The following CNTNAP5 variants were observed in gnomAD, a reference collection of about 807,000 sequenced individuals.
CNTNAP5 encodes contactin associated protein family member 5.
A neutral mutation model predicts 150.2 loss-of-function variants in CNTNAP5; 72 were observed. The observed-to-expected ratio is 0.48, with a 90% CI of 0.40 to 0.58. The LOEUF is 0.58. Ranked by LOEUF, CNTNAP5 falls within the 20% of genes least tolerant of loss-of-function variation. The pLI is 0.00. For missense variants in CNTNAP5, 1,636 were observed against 1,626.2 expected (o/e 1.01, Z -0.10); for synonymous variants, 672 against 619.8 (o/e 1.08, Z -1.25).
At chr2:124,362,580 A>C (rs1266910784) in intron 3 of CNTNAP5, among the ~76,000 whole-genome samples, 1 of 152,180 alleles carries the variant, frequency 6.6e-6, no homozygotes, top group Non-Finnish European at 1.5e-5. Flanking sequence ...TCTATCATGG[A>C]TGTCAGTACA....
At chr2:124,605,956 C>T (rs981316861) in intron 11 of CNTNAP5, among the ~76,000 whole-genome samples, 2 of 151,576 alleles carry the variant, frequency 1.3e-5, no homozygotes, top group Admixed American at 1.3e-4. Flanking sequence ...TCACTTTCAT[C>T]TTTGTCCCCT....
intron 13 of CNTNAP5, among the ~76,000 whole-genome samples, chr2:124,742,877 TA>T (rs1488195340): frequency 6.6e-6 from 1 of 152,148 alleles, no homozygotes; most frequent in Non-Finnish European, 1.5e-5. Context: ...CTTGTTTTCT[TA>T]ATCTTGGCTG....
chr2:124,067,141 A>T (rs1238374662), intron 1 of CNTNAP5, among the ~76,000 whole-genome samples: 2 of 152,320 alleles, frequency 1.3e-5, no homozygotes, highest in East Asian at 3.9e-4. Flanking sequence ...ACAAACAAAA[A>T]GATACTTGGG....
chr2:124,789,226 G>A (rs1050297255), intron 17 of CNTNAP5, among the ~76,000 whole-genome samples: 1 of 152,190 alleles, frequency 6.6e-6, no homozygotes, highest in Non-Finnish European at 1.5e-5. Context: ...CACTTCAGAT[G>A]AAAGTGTGCT....
chr2:124,473,053 C>A (rs915177550), intron 6 of CNTNAP5, among the ~76,000 whole-genome samples: 2 of 151,764 alleles, frequency 1.3e-5, no homozygotes, highest in African/African-American at 4.8e-5. Flanking sequence ...AGAAAATATA[C>A]CAGCAGCAAT....
intron 8 of CNTNAP5, among the ~76,000 whole-genome samples, chr2:124,505,270 G>A (rs1184290814): frequency 6.6e-6 from 1 of 152,056 alleles, no homozygotes; most frequent in Non-Finnish European, 1.5e-5. Context: ...AATAAATGAG[G>A]AAATCAGAAG....
At chr2:124,199,076 T>C (rs1685657013) in intron 1 of CNTNAP5, among the ~76,000 whole-genome samples, 1 of 152,128 alleles carries the variant, frequency 6.6e-6, no homozygotes, top group African/African-American at 2.4e-5. Context: ...TGTACCAAGG[T>C]ATTTCTTCTC....
intron 16 of CNTNAP5, among the ~76,000 whole-genome samples, chr2:124,772,025 CCACCACCCCCATCAG>C (rs1216451532): frequency 2.6e-5 from 4 of 151,700 alleles, no homozygotes; most frequent in Non-Finnish European, 5.9e-5. Context: ...ACCTCCATCA[CCACCACCCCCATCAG>C]CACCACCATC....
chr2:124,394,192 T>C (rs1691189539), intron 3 of CNTNAP5, among the ~76,000 whole-genome samples: 1 of 151,642 alleles, frequency 6.6e-6, no homozygotes, highest in South Asian at 2.1e-4. Flanking sequence ...GCCAGCATGG[T>C]AAAACCCCAT....
At position 124,514,455 on chromosome 2, in the gene CNTNAP5, A is replaced by G. The variant is rs567222364; in HGVS notation, c.1328-9848A>G. On this transcript the variant is annotated intron_variant, in intron 8 of 23. Transcript: ENST00000682447. ...CTTCCCTTTTTCTTTTGTATTTTTT[A>G]CTTTGACAATTTTCTCATGTAACTT... 4.6e-5 allele frequency among the ~76,000 whole-genome samples: 7 copies of G among 152,024 alleles called. No individual in the cohort carries two copies. In the South Asian group the frequency reaches 1.5e-3, roughly 32 times the overall value.
chr2:124,643,010 G>A, intron 12 of CNTNAP5, among the ~76,000 whole-genome samples: 1 of 152,188 alleles, frequency 6.6e-6, no homozygotes, highest in Non-Finnish European at 1.5e-5. Context: ...AGGCATGATA[G>A]CTGCTCTGGA....
At chr2:124,461,155 G>T (rs1693240004) in intron 6 of CNTNAP5, among the ~76,000 whole-genome samples, 1 of 152,066 alleles carries the variant, frequency 6.6e-6, no homozygotes, top group East Asian at 1.9e-4. Flanking sequence ...AATACCATTT[G>T]ACCCAGCCAT....
chr2:124,669,879 A>G (rs1463116427), intron 13 of CNTNAP5, among the ~76,000 whole-genome samples: 1 of 152,156 alleles, frequency 6.6e-6, no homozygotes, highest in Non-Finnish European at 1.5e-5. Context: ...CCCAGGCCCA[A>G]GATGCATCAC....
chr2:124,038,918 TG>T (rs1681293587), intron 1 of CNTNAP5, among the ~76,000 whole-genome samples: 1 of 152,234 alleles, frequency 6.6e-6, no homozygotes, highest in Non-Finnish European at 1.5e-5. Context: ...AGAGCCACAC[TG>T]GGTGTGCCCC....
At chr2:124,730,686 T>G (rs1323178471) in intron 13 of CNTNAP5, among the ~76,000 whole-genome samples, 1 of 152,124 alleles carries the variant, frequency 6.6e-6, no homozygotes, top group Non-Finnish European at 1.5e-5. Context: ...GGTACATTTT[T>G]GCCCAGAAAC....
chr2:124,877,478 T>C (rs1327095934), intron 21 of CNTNAP5, among the ~76,000 whole-genome samples: 1 of 152,062 alleles, frequency 6.6e-6, no homozygotes, highest in Non-Finnish European at 1.5e-5. Flanking sequence ...ACTGTGATAG[T>C]GAAGGATGTT....
chr2:124,054,926 G>A (rs1681804693), intron 1 of CNTNAP5, among the ~76,000 whole-genome samples: 1 of 152,128 alleles, frequency 6.6e-6, no homozygotes, highest in African/African-American at 2.4e-5. Flanking sequence ...GCTCTGGTTG[G>A]GAAGTTCATA....
intron 3 of CNTNAP5, among the ~76,000 whole-genome samples, chr2:124,315,110 A>AG (rs1330248917): frequency 6.6e-6 from 1 of 152,032 alleles, no homozygotes; most frequent in Non-Finnish European, 1.5e-5. Context: ...CTCCAGGCAC[A>AG]TGCCACCATG....
intron 13 of CNTNAP5, among the ~76,000 whole-genome samples, chr2:124,696,406 C>T (rs1175633886): frequency 6.6e-6 from 1 of 152,132 alleles, no homozygotes; most frequent in Non-Finnish European, 1.5e-5. Flanking sequence ...ACTCCTTAAA[C>T]ATCCATTCTC....
Sources: allele counts gnomAD v4.1 joint callset (sites outside exome capture counted in the v4.1 genomes callset), GRCh38; gene constraint gnomAD v4.1.1; transcripts MANE v1.5; gene names NCBI Gene and HGNC (gene_info 2026-07-23, HGNC 2026-07-21).